The following SEPTIN2 variants were observed in gnomAD, a reference collection of about 807,000 sequenced individuals.
SEPTIN2 encodes septin 2, also known as septin-2.
SEPTIN2 carries 34 observed loss-of-function variants against 46.5 expected under a neutral mutation model. The observed-to-expected ratio is 0.73, with a 90% CI of 0.56 to 0.97. The LOEUF is 0.97. SEPTIN2 is among the 50% of genes least tolerant of loss of function. The probability of loss-of-function intolerance (pLI) is 0.00; values close to 1 mark genes in which losing one functional copy is unlikely to be tolerated. For synonymous variants in SEPTIN2, 175 were observed against 153.4 expected, an observed-to-expected ratio of 1.14 and a Z score of -1.04; for missense variants, 347 against 448.4, an observed-to-expected ratio of 0.77 and a Z score of 2.04.
At chr2:241,348,787 A>T (rs533357055) in intron 11 of SEPTIN2, among the ~76,000 whole-genome samples, 2 of 152,312 alleles carry the variant, frequency 1.3e-5, no homozygotes, top group East Asian at 3.9e-4. Context: ...GATCATAAAT[A>T]TGGAAATATG....
At chr2:241,348,544 C>T (rs751526600) in intron 11 of SEPTIN2, among the ~76,000 whole-genome samples, 3 of 151,948 alleles carry the variant, frequency 2.0e-5, no homozygotes, top group Admixed American at 2.0e-4. Flanking sequence ...AAGTACTATT[C>T]TTGTGACTGA....
chr2:241,322,994 A>G (rs2077369635), intron 1 of SEPTIN2, among the ~76,000 whole-genome samples: 1 of 152,120 alleles, frequency 6.6e-6, no homozygotes, highest in Non-Finnish European at 1.5e-5. Context: ...GTGCGTACAT[A>G]TATATATACA....
intron 3 of SEPTIN2, among the ~76,000 whole-genome samples, chr2:241,329,462 A>G (rs1041467269): frequency 6.6e-6 from 1 of 152,216 alleles, no homozygotes; most frequent in Non-Finnish European, 1.5e-5. Context: ...CTACCAGCCT[A>G]TTTTATTAAG....
chr2:241,334,696 G>A (rs1382384044), intron 3 of SEPTIN2, among the ~76,000 whole-genome samples: 1 of 152,172 alleles, frequency 6.6e-6, no homozygotes, highest in African/African-American at 2.4e-5. Flanking sequence ...GAAGCACAAG[G>A]GTTGTTGACA....
intron 7 of SEPTIN2, among the ~76,000 whole-genome samples, chr2:241,341,786 C>T (rs993488153): frequency 3.3e-5 from 5 of 152,174 alleles, no homozygotes; most frequent in Non-Finnish European, 7.3e-5. Context: ...AGTTTGAGGT[C>T]GGGATATTTT....
chr2:241,347,750 G>A (rs2060393267), intron 10 of SEPTIN2, among the ~76,000 whole-genome samples: 1 of 152,150 alleles, frequency 6.6e-6, no homozygotes, highest in Admixed American at 6.5e-5. Context: ...GCTGGGCGTG[G>A]TGGCTCATGC....
intron 2 of SEPTIN2, among the ~76,000 whole-genome samples, chr2:241,325,498 G>A (rs1409898086): frequency 6.6e-6 from 1 of 152,134 alleles, no homozygotes; most frequent in Non-Finnish European, 1.5e-5. Flanking sequence ...AGCACAGCAA[G>A]AGAGATGCTT....
At position 241,342,832 on chromosome 2, in the gene SEPTIN2, G is replaced by A. The variant is rs143072909; in HGVS notation, c.595-160G>A. Among the ~76,000 whole-genome samples the A allele has an allele frequency of 5.1e-3, 781 of 152,092 alleles. 5 individuals are homozygous for A. Among genetic ancestry groups the A allele is most frequent in the African/African-American group, 0.017 (721 of 41,492 alleles). On this transcript the variant is annotated intron_variant, in intron 7 of 12. Transcript: ENST00000391971. ...ATTACAGACGTGAGCCACCACACCCGGCCGCAGTTTTATAAATTTATTTGA... is the reference window on the plus strand; with the variant it reads ...ATTACAGACGTGAGCCACCACACCCAGCCGCAGTTTTATAAATTTATTTGA...
intron 3 of SEPTIN2, among the ~76,000 whole-genome samples, chr2:241,330,559 G>T (rs1232929653): frequency 6.6e-6 from 1 of 152,208 alleles, no homozygotes; most frequent in Non-Finnish European, 1.5e-5. Flanking sequence ...AGGGGTGTGT[G>T]TTGGGAATAT....
intron 2 of SEPTIN2, chr2:241,325,241 A>G (rs1356226260): frequency 1.3e-5 from 2 of 152,106 alleles, no homozygotes; most frequent in African/African-American, 4.8e-5. Context: ...TGATTTTTAA[A>G]ATTTCTTCTC....
chr2:241,328,702 A>G (rs542786233), intron 3 of SEPTIN2, among the ~76,000 whole-genome samples: 1 of 151,850 alleles, frequency 6.6e-6, no homozygotes, highest in Non-Finnish European at 1.5e-5. Context: ...AGATCCCATC[A>G]TTGCACTCCA....
chr2:241,319,968 A>C (rs571401439), intron 1 of SEPTIN2, among the ~76,000 whole-genome samples: 1 of 152,058 alleles, frequency 6.6e-6, no homozygotes, highest in African/African-American at 2.4e-5. Context: ...TTAATGCATG[A>C]TTTTTTTTCC....
chr2:241,336,206 T>C (rs754701681), intron 5 of SEPTIN2, 108 bp downstream of exon 5: 3 of 1,097,808 alleles, frequency 2.7e-6, no homozygotes, highest in Non-Finnish European at 3.9e-6. Flanking sequence ...CTGTATATAA[T>C]AAAACACCTA....
chr2:241,317,845 A>G (rs1348063970), intron 1 of SEPTIN2, among the ~76,000 whole-genome samples: 2 of 152,242 alleles, frequency 1.3e-5, no homozygotes, highest in African/African-American at 2.4e-5. Context: ...TGTGGAAGAA[A>G]TAAGCTGTGG....
rs375669759 is a variant in SEPTIN2, at chr2:241,337,345, A to G, written c.342-37A>G. The G allele has an allele frequency of 7.2e-5, 114 of 1,590,782 alleles. No homozygotes were observed. In the African/African-American group the frequency reaches 1.4e-3, roughly 20 times the overall value. On this transcript the variant is annotated intron_variant, in intron 5 of 12. Transcript: ENST00000391971. Reference sequence around the variant, plus strand: ...TGAAGTCAGGGACCCCCTGTTTTATACCCTATGATTATTGTTAATGTTTCT... The same window carrying G: ...TGAAGTCAGGGACCCCCTGTTTTATGCCCTATGATTATTGTTAATGTTTCT...
intron 5 of SEPTIN2, chr2:241,336,381 A>AG: frequency 2.6e-6 from 1 of 391,118 alleles, no homozygotes; most frequent in Non-Finnish European, 4.6e-6. Flanking sequence ...TGACCGAGAT[A>AG]CTGTAGTACA....
At chr2:241,319,079 ACT>A (rs1374370355) in intron 1 of SEPTIN2, among the ~76,000 whole-genome samples, 3 of 152,136 alleles carry the variant, frequency 2.0e-5, no homozygotes, top group Non-Finnish European at 4.4e-5. Context: ...TATTCAGTAA[ACT>A]CACCAAGGTA....
At chr2:241,343,713 C>T (rs2081580324) in intron 8 of SEPTIN2, 39 bp from the exon 9 acceptor site, 2 of 1,611,502 alleles carry the variant, frequency 1.2e-6, no homozygotes, top group Non-Finnish European at 8.5e-7. Flanking sequence ...TCTGGGGTTC[C>T]CTGTGTGGAG....
intron 3 of SEPTIN2, among the ~76,000 whole-genome samples, chr2:241,330,551 G>A (rs1044454819): frequency 6.6e-6 from 1 of 152,208 alleles, no homozygotes. Context: ...AGATATTTAG[G>A]GGTGTGTGTT....
Sources: gnomAD v4.1 joint callset for allele counts (sites outside exome capture counted in the v4.1 genomes callset) on GRCh38, gnomAD v4.1.1 for gene constraint, MANE v1.5 for transcripts, NCBI Gene and HGNC (gene_info 2026-07-23, HGNC 2026-07-21) for gene names.